The following UNC5B variants were observed in gnomAD, a reference collection of about 807,000 sequenced individuals.
UNC5B encodes the protein netrin receptor UNC5B.
Under a neutral mutation model 103.7 loss-of-function variants are expected in UNC5B, and 56 were observed. The ratio of observed to expected loss-of-function variants is 0.54; its 90% confidence interval spans 0.44 to 0.67. The LOEUF (loss-of-function observed/expected upper bound fraction) is 0.67, where lower values mean the gene tolerates loss of function less well. UNC5B is among the 30% of genes least tolerant of loss of function. UNC5B has a pLI of 0.00. For missense variants in UNC5B, 1,194 were observed against 1,284.5 expected (o/e 0.93, Z 1.08); for synonymous variants, 577 against 542.0 (o/e 1.06, Z -0.90).
intron 4 of UNC5B, among the ~76,000 whole-genome samples, chr10:71,286,346 A>G (rs1845079143): frequency 6.6e-6 from 1 of 152,182 alleles, no homozygotes; most frequent in Admixed American, 6.5e-5. Flanking sequence ...GCTAGCACCT[A>G]TTTAGTTAGT....
chr10:71,263,108 C>T (rs1471963228), intron 1 of UNC5B, among the ~76,000 whole-genome samples: 1 of 152,122 alleles, frequency 6.6e-6, no homozygotes, highest in Non-Finnish European at 1.5e-5. Flanking sequence ...CAGGTGTCTC[C>T]ATGGAGGCTT....
intron 1 of UNC5B, among the ~76,000 whole-genome samples, chr10:71,249,248 C>T (rs1480326187): frequency 6.6e-6 from 1 of 152,234 alleles, no homozygotes; most frequent in East Asian, 1.9e-4. Context: ...AGGCATGCTC[C>T]CCTCCAGAGC....
rs1011339313 is a variant in UNC5B at position 71,263,799 on chromosome 10, C to T, written c.80-16022C>T. On this transcript the variant is annotated intron_variant, in intron 1 of 16. Transcript: ENST00000335350. ...TCCCCTCTCCCAGGGGCTGGGCTAGCCAACACCAAGCCAGTCCTTGAGCCA... is the reference window on the plus strand; with the variant it reads ...TCCCCTCTCCCAGGGGCTGGGCTAGTCAACACCAAGCCAGTCCTTGAGCCA... Among the ~76,000 whole-genome samples, 15 of 152,248 alleles carry T rather than the reference C, an allele frequency of 9.9e-5. No individual in the cohort carries two copies. In the East Asian group the frequency reaches 2.9e-3, roughly 29 times the overall value.
At chr10:71,270,651 G>T (rs1207420171) in intron 1 of UNC5B, among the ~76,000 whole-genome samples, 3 of 152,136 alleles carry the variant, frequency 2.0e-5, no homozygotes, top group Non-Finnish European at 4.4e-5. Context: ...GCAGTGTGAG[G>T]CACATCTTCC....
In UNC5B at chr10:71,286,836, C is replaced by T. The variant is rs751397139; in HGVS notation, c.700C>T (p.Arg234Cys). The T allele has an allele frequency of 4.3e-6, 7 of 1,614,144 alleles. No individual in the cohort carries two copies. Among genetic ancestry groups the T allele is most frequent in the Non-Finnish European group, 5.9e-6 (7 of 1,180,010 alleles). ...CGTGGCCAAGAACATCGTGGCCAAA[C>T]GCCGGAGCACCACTGCCACCGTCAT... ...TCVAKNIVAKRRSTTATVIVY... is the reference protein window; with the variant it reads ...TCVAKNIVAKCRSTTATVIVY... Residue 234 changes from arginine (R) to cysteine (C), a missense_variant, in exon 5 of 17, where the codon CGC (arginine) becomes TGC (cysteine). By Grantham distance (180) the Arg-to-Cys change is radical. Transcript: ENST00000335350.
At chr10:71,294,548 T>C (rs2394786) in intron 13 of UNC5B, among the ~76,000 whole-genome samples, 139,371 of 152,070 alleles carry the variant, frequency 0.92, 64,549 homozygotes, top group East Asian at 1. Flanking sequence ...GAAGCTGGGG[T>C]TGGACCCTGG....
chr10:71,255,545 C>A (rs1466684322), intron 1 of UNC5B, among the ~76,000 whole-genome samples: 1 of 152,166 alleles, frequency 6.6e-6, no homozygotes, highest in African/African-American at 2.4e-5. Flanking sequence ...CTTAGAAACA[C>A]CCCCGGGCTT....
chr10:71,266,278 C>T (rs1251694433), intron 1 of UNC5B, among the ~76,000 whole-genome samples: 1 of 151,978 alleles, frequency 6.6e-6, no homozygotes, highest in African/African-American at 2.4e-5. Context: ...CACTCCAGAG[C>T]GCCTTCTCCT....
intron 2 of UNC5B, 110 bp downstream of exon 2, chr10:71,280,155 T>C (rs944296509): frequency 1.6e-6 from 2 of 1,228,852 alleles, no homozygotes; most frequent in African/African-American, 3.0e-5. Context: ...GGATTAGCAT[T>C]TCCCCAAGTG....
chr10:71,214,772 A>G (rs1281081748), intron 1 of UNC5B, among the ~76,000 whole-genome samples: 1 of 152,190 alleles, frequency 6.6e-6, no homozygotes, highest in Non-Finnish European at 1.5e-5. Context: ...GGCTTGGCCA[A>G]GAAGGCTGGG....
Position 71,299,138 on chromosome 10 carries a change from C to A in UNC5B, c.2699C>A (p.Ala900Glu). ...DRYLNYFATKASPTGVILDLW... is the reference protein window; with the variant it reads ...DRYLNYFATKESPTGVILDLW... ...TACCTGAATTACTTTGCCACCAAAGCGAGCCCCACGGGTGTGATCCTGGAC... is the reference window on the plus strand; with the variant it reads ...TACCTGAATTACTTTGCCACCAAAGAGAGCCCCACGGGTGTGATCCTGGAC... The change falls in exon 17 of 17, where the codon GCG becomes GAG. Residue 900 changes from alanine to glutamate, a missense_variant. Physicochemically the swap from Ala to Glu is moderately radical, Grantham distance 107. Transcript: ENST00000335350. 1.2e-6 allele frequency: 2 copies of A among 1,614,216 alleles called. No homozygotes were observed. Among genetic ancestry groups the A allele is most frequent in the Non-Finnish European group, 1.7e-6 (2 of 1,180,034 alleles).
At chr10:71,231,547 A>G (rs1389359594) in intron 1 of UNC5B, among the ~76,000 whole-genome samples, 2 of 152,218 alleles carry the variant, frequency 1.3e-5, no homozygotes, top group East Asian at 1.9e-4. Context: ...ACGCTCAGCA[A>G]TGTACCCTAA....
intron 1 of UNC5B, among the ~76,000 whole-genome samples, chr10:71,220,133 G>A (rs764759545): frequency 6.6e-5 from 10 of 152,142 alleles, no homozygotes; most frequent in Non-Finnish European, 1.0e-4. Context: ...CTTGGGTCAC[G>A]AACCCTCTCA....
intron 1 of UNC5B, among the ~76,000 whole-genome samples, chr10:71,229,725 GT>G (rs34157428): frequency 6.6e-6 from 1 of 152,202 alleles, no homozygotes; most frequent in Non-Finnish European, 1.5e-5. Context: ...CTAGGGAGTT[GT>G]TGTGCTTCTG....
chr10:71,283,901 G>C (rs59520425), intron 2 of UNC5B, among the ~76,000 whole-genome samples: 1 of 152,190 alleles, frequency 6.6e-6, no homozygotes, highest in Non-Finnish European at 1.5e-5. Flanking sequence ...ACCAGGGAGA[G>C]CAGGCATCCC....
intron 1 of UNC5B, among the ~76,000 whole-genome samples, chr10:71,234,140 G>A (rs1843731414): frequency 6.6e-6 from 1 of 152,178 alleles, no homozygotes; most frequent in Admixed American, 6.5e-5. Context: ...TATAGATGAG[G>A]AAATTAACCT....
intron 14 of UNC5B, 66 bp from the exon 15 acceptor site, chr10:71,296,512 C>T (rs985224593): frequency 1.9e-6 from 3 of 1,570,022 alleles, no homozygotes; most frequent in Non-Finnish European, 2.6e-6. Flanking sequence ...CTCCCTGAGC[C>T]TCCATTTCTA....
chr10:71,257,673 G>C (rs1320775981), intron 1 of UNC5B, among the ~76,000 whole-genome samples: 1 of 152,234 alleles, frequency 6.6e-6, no homozygotes, highest in East Asian at 1.9e-4. Context: ...TGGAGGTGCT[G>C]TGTGGGTTTG....
chr10:71,299,086 C>T (rs757961370), intron 16 of UNC5B, 26 bp from the exon 17 acceptor site: 1 of 1,613,436 alleles, frequency 6.2e-7, no homozygotes, highest in African/African-American at 1.3e-5. Flanking sequence ...GCTTGGGAAC[C>T]TCAGTGCCCT....
Sources: allele counts gnomAD v4.1 joint callset (sites outside exome capture counted in the v4.1 genomes callset), GRCh38; gene constraint gnomAD v4.1.1; transcripts MANE v1.5; gene names NCBI Gene and HGNC (gene_info 2026-07-23, HGNC 2026-07-21).